Variants in CSMD1 observed in about 807,000 individuals in gnomAD.
The protein encoded by CSMD1 is CUB and Sushi multiple domains 1.
A neutral mutation model predicts 417.5 loss-of-function variants in CSMD1; 213 were observed. The ratio of observed to expected loss-of-function variants is 0.51; its 90% CI spans 0.46 to 0.57. The LOEUF (loss-of-function observed/expected upper bound fraction) is 0.57. Ranked by LOEUF, CSMD1 falls within the 20% of genes least tolerant of loss-of-function variation. The probability of loss-of-function intolerance (pLI) is 0.00; values close to 1 mark genes in which losing one functional copy is unlikely to be tolerated. For missense variants in CSMD1, 6,923 were observed against 4,529.7 expected (o/e 1.53, Z -15.17); for synonymous variants, 2,862 against 1,736.8 (o/e 1.65, Z -16.11).
At chr8:4,517,633 G>C (rs1301962820) in intron 2 of CSMD1, among the ~76,000 whole-genome samples, 3 of 152,126 alleles carry the variant, frequency 2.0e-5, no homozygotes, top group Non-Finnish European at 4.4e-5. Context: ...AAACACCTAA[G>C]AGCCACGAAG....
At chr8:4,959,776 G>C (rs1165343068) in intron 1 of CSMD1, among the ~76,000 whole-genome samples, 1 of 152,130 alleles carries the variant, frequency 6.6e-6, no homozygotes, top group African/African-American at 2.4e-5. Flanking sequence ...CCTTTGTTCT[G>C]ACTGTTGCTT....
rs1044799373 is a variant in CSMD1, at chr8:3,919,238, C to A, written c.818+78665G>T. On this transcript the variant is annotated intron_variant, in intron 5 of 69. Transcript: ENST00000635120. Reference sequence around the variant, plus strand: ...AAGAAATCATTGTCAAGATCTATGCCAAGGATTTTTAAAAAATGTTTTCTT... The same window carrying A: ...AAGAAATCATTGTCAAGATCTATGCAAAGGATTTTTAAAAAATGTTTTCTT... Among the ~76,000 whole-genome samples the A allele has an allele frequency of 5.5e-5, 8 of 145,720 alleles. No homozygotes were observed. The Admixed American group carries it at 5.5e-4, about 10-fold the overall frequency.
rs553781645 is a variant in CSMD1 at position 3,830,737 on chromosome 8, A to G, written c.819-76695T>C. 3.0e-4 allele frequency among the ~76,000 whole-genome samples: 45 copies of G among 152,346 alleles called. No homozygotes were observed. The South Asian group carries it at 9.3e-3, about 32-fold the overall frequency. ...TGCTGAACTTTGTGTTTATTAAAAT[A>G]TAATAATTATTCAAAAGAACTTAAT... On this transcript the variant is annotated intron_variant, in intron 5 of 69. Transcript: ENST00000635120.
intron 3 of CSMD1, among the ~76,000 whole-genome samples, chr8:4,377,515 G>C (rs1244964897): frequency 6.6e-6 from 1 of 152,104 alleles, no homozygotes; most frequent in Non-Finnish European, 1.5e-5. Flanking sequence ...GATCACTTTT[G>C]GACCCAGGAG....
chr8:4,632,990 G>A (rs1015953673), intron 2 of CSMD1, among the ~76,000 whole-genome samples: 4 of 152,110 alleles, frequency 2.6e-5, no homozygotes, highest in African/African-American at 7.2e-5. Flanking sequence ...TTTGGAGTCC[G>A]ATCATGGACT....
At chr8:3,621,512 G>C (rs1019027299) in intron 7 of CSMD1, among the ~76,000 whole-genome samples, 2 of 152,146 alleles carry the variant, frequency 1.3e-5, no homozygotes. Flanking sequence ...AATTTACAGA[G>C]ATGAATAGTG....
intron 40 of CSMD1, among the ~76,000 whole-genome samples, chr8:3,147,586 C>A (rs147045322): frequency 2.0e-5 from 3 of 152,272 alleles, no homozygotes; most frequent in East Asian, 3.9e-4. Flanking sequence ...ACAGCACAAC[C>A]GCCATTGAGG....
At chr8:3,134,805 C>T (rs998763811) in intron 41 of CSMD1, among the ~76,000 whole-genome samples, 2 of 152,108 alleles carry the variant, frequency 1.3e-5, no homozygotes, top group African/African-American at 4.8e-5. Context: ...CACAATTTGC[C>T]AACCTCTCTG....
intron 36 of CSMD1, among the ~76,000 whole-genome samples, chr8:3,186,986 C>T (rs1488807834): frequency 6.6e-6 from 1 of 152,222 alleles, no homozygotes; most frequent in Admixed American, 6.5e-5. Flanking sequence ...AGGTGATCCG[C>T]CCACCTCAGC....
At chr8:3,954,289 C>A (rs1205719805) in intron 5 of CSMD1, among the ~76,000 whole-genome samples, 1 of 152,166 alleles carries the variant, frequency 6.6e-6, no homozygotes, top group Non-Finnish European at 1.5e-5. Context: ...AAGGAAGGTG[C>A]GCTTGGGAGA....
Position 3,306,758 on chromosome 8 carries a change from T to C in CSMD1, c.3950+937A>G, listed in dbSNP as rs73657806. On this transcript the variant is annotated intron_variant, in intron 25 of 69. Coordinates refer to ENST00000635120, the MANE Select transcript of CSMD1 (RefSeq NM_033225.6). Reference sequence around the variant, plus strand: ...AAACAAGAACTAAAAATAAAACTGATTTTAAAATTACCTTTTGCCTTATGT... The same window carrying C: ...AAACAAGAACTAAAAATAAAACTGACTTTAAAATTACCTTTTGCCTTATGT... 4.9e-3 allele frequency among the ~76,000 whole-genome samples: 753 copies of C among 152,218 alleles called. 5 individuals carry two copies. The highest frequency in any genetic ancestry group is 0.017 in the African/African-American group (691 of 41,538).
chr8:3,297,680 G>A (rs1286282324), intron 25 of CSMD1, among the ~76,000 whole-genome samples: 1 of 152,170 alleles, frequency 6.6e-6, no homozygotes, highest in Non-Finnish European at 1.5e-5. Context: ...ATGTAAATGT[G>A]AAAGGTAAAT....
chr8:3,100,925 T>A (rs980510916), intron 46 of CSMD1, among the ~76,000 whole-genome samples: 1 of 152,284 alleles, frequency 6.6e-6, no homozygotes, highest in Middle Eastern at 3.4e-3. Context: ...TGCCTGCTAT[T>A]ATCCAGCACA....
intron 2 of CSMD1, among the ~76,000 whole-genome samples, chr8:4,572,139 G>C (rs534828598): frequency 1.3e-5 from 2 of 152,200 alleles, no homozygotes; most frequent in Admixed American, 1.3e-4. Flanking sequence ...ATTGTTATGT[G>C]TGAATTCGAA....
chr8:3,900,351 C>A (rs893922010), intron 5 of CSMD1, among the ~76,000 whole-genome samples: 2 of 150,940 alleles, frequency 1.3e-5, no homozygotes, highest in African/African-American at 4.9e-5. Flanking sequence ...GACAGTGTAG[C>A]TGGTTGACAG....
intron 26 of CSMD1, among the ~76,000 whole-genome samples, chr8:3,268,202 C>T (rs1801572071): frequency 6.6e-6 from 1 of 150,544 alleles, no homozygotes; most frequent in Non-Finnish European, 1.5e-5. Context: ...TTTGTTGCTT[C>T]AGAATGATTA....
At chr8:4,801,044 T>C (rs183040408) in intron 1 of CSMD1, among the ~76,000 whole-genome samples, 28 of 152,168 alleles carry the variant, frequency 1.8e-4, no homozygotes, top group African/African-American at 6.3e-4. Flanking sequence ...ATTTAATACG[T>C]AAAAAGTAAA....
rs998102610 is a variant in CSMD1, at chr8:3,564,275, G to GA, written c.1344+10669dup. Among the ~76,000 whole-genome samples the GA allele has an allele frequency of 7.9e-5, 12 of 151,694 alleles. No individual in the cohort carries two copies. In the East Asian group the frequency reaches 1.6e-3, roughly 20 times the overall value. ...CCCTAACTTAAGCAACTTTTATTAAGAAAAAAAAGAAACGGAGTAAATCCT... is the reference window on the plus strand; with the variant it reads ...CCCTAACTTAAGCAACTTTTATTAAGAAAAAAAAAGAAACGGAGTAAATCCT... On this transcript the variant is annotated intron_variant, in intron 10 of 69. Coordinates refer to ENST00000635120, the MANE Select transcript of CSMD1 (RefSeq NM_033225.6).
intron 46 of CSMD1, among the ~76,000 whole-genome samples, chr8:3,098,089 A>C (rs1461221883): frequency 6.6e-6 from 1 of 152,242 alleles, no homozygotes; most frequent in African/African-American, 2.4e-5. Flanking sequence ...TCACTGAATT[A>C]TCTTCCAGAA....
Sources: allele counts gnomAD v4.1 joint callset (sites outside exome capture counted in the v4.1 genomes callset), GRCh38; gene constraint gnomAD v4.1.1; transcripts MANE v1.5; gene names NCBI Gene and HGNC (gene_info 2026-07-23, HGNC 2026-07-21).